The following PPP1R2 variants were observed in gnomAD, a reference collection of about 807,000 sequenced individuals.
PPP1R2 encodes protein phosphatase 1 regulatory inhibitor subunit 2.
PPP1R2 carries 16 observed loss-of-function variants against 29.9 expected under a neutral mutation model. The ratio of observed to expected loss-of-function variants is 0.53; its 90% CI spans 0.36 to 0.81. The LOEUF is 0.81. Among genes scored for constraint, PPP1R2 ranks in the 30% least tolerant of loss-of-function variants. The probability of loss-of-function intolerance (pLI) is 0.00; values close to 1 mark genes in which losing one functional copy is unlikely to be tolerated. For missense variants in PPP1R2, 197 were observed against 252.7 expected (o/e 0.78, Z 1.49); for synonymous variants, 76 against 91.5 (o/e 0.83, Z 0.96).
chr3:195,519,077 T>C lies in PPP1R2; in HGVS notation c.512A>G (p.Asp171Gly). The C allele has an allele frequency of 1.2e-5, 20 of 1,608,034 alleles. No homozygotes were observed. The highest frequency in any genetic ancestry group is 1.6e-5 in the Non-Finnish European group (19 of 1,174,676). The change falls in exon 5 of 6, where the codon GAT (aspartate) becomes GGT (glycine). Residue 171 changes from aspartate (D) to glycine (G), a missense_variant. Around this residue, in one of 3 missense-constraint regions of PPP1R2, gnomAD observed 135 missense variants for 163.0 expected, o/e 0.83. Transcript: ENST00000618156. Reference protein sequence around the residue: ...ISKDLHDDDEDEEMLETADGE... With the variant: ...ISKDLHDDDEGEEMLETADGE... ...ATCTGCAGTCTCTAACATTTCTTCA[T>C]CTTCATCATCATCATGTAGGTCTTT... is the stretch of plus-strand genomic sequence containing the variant.
chr3:195,516,960 A>ATTTC lies in PPP1R2; in HGVS notation c.572-19_572-18insGAAA. 1 of 1,606,872 alleles carries ATTTC rather than the reference A, an allele frequency of 6.2e-7. No individual in the cohort carries two copies. Among genetic ancestry groups the ATTTC allele is most frequent in the South Asian group, 1.1e-5 (1 of 90,880 alleles). ...AGTAGATCCTGCAAAGATAAAAGAA[A>ATTTC]AAGTCAACATAATTTGTTATATGTT... On this transcript the variant is annotated intron_variant, in intron 5 of 5. Coordinates refer to ENST00000618156, the MANE Select transcript of PPP1R2 (RefSeq NM_006241.8).
At chr3:195,542,042 A>G in intron 1 of PPP1R2, among the ~76,000 whole-genome samples, 1 of 152,188 alleles carries the variant, frequency 6.6e-6, no homozygotes, top group East Asian at 1.9e-4. Context: ...ATTTTCAGAA[A>G]GTAGAGTCCT....
At chr3:195,529,987 T>C in intron 1 of PPP1R2, 86 bp from the exon 2 acceptor site, 2 of 928,846 alleles carry the variant, frequency 2.2e-6, no homozygotes, top group Non-Finnish European at 1.6e-6. Flanking sequence ...AAATTTAACA[T>C]TTCAACTTCT....
intron 1 of PPP1R2, among the ~76,000 whole-genome samples, chr3:195,532,765 A>G (rs1719236447): frequency 6.6e-6 from 1 of 152,204 alleles, no homozygotes; most frequent in Non-Finnish European, 1.5e-5. Context: ...AGAAACTCAG[A>G]TAAACCACAT....
chr3:195,518,998 A>T lies in PPP1R2; in HGVS notation c.571+20T>A, dbSNP rs1167897825. ...ATAGACCATTACAAAAGTCTCAGTG[A>T]CATTTTCCAAACATCTAACCTTGAT... is the stretch of plus-strand genomic sequence containing the variant. On this transcript the variant is annotated intron_variant, in intron 5 of 5. Transcript: ENST00000618156. The T allele has an allele frequency of 6.2e-7, 1 of 1,609,712 alleles. No individual in the cohort carries two copies. Among genetic ancestry groups the T allele is most frequent in the African/African-American group, 1.3e-5 (1 of 74,916 alleles).
intron 1 of PPP1R2, 94 bp downstream of exon 1, chr3:195,542,810 C>T: frequency 7.1e-7 from 1 of 1,405,622 alleles, no homozygotes; most frequent in Non-Finnish European, 9.4e-7. Flanking sequence ...GGCACCCGAG[C>T]CGCATCCACG....
Position 195,543,176 on chromosome 3 carries a change from C to T in PPP1R2, c.-151G>A. 1 of 1,098,164 alleles carries T rather than the reference C, an allele frequency of 9.1e-7. No individual in the cohort carries two copies. Among genetic ancestry groups the T allele is most frequent in the Admixed American group, 3.3e-5 (1 of 30,154 alleles). The allele number at this position is 1,098,164 out of a possible 1,614,324, so 68.0% of individuals were successfully genotyped here. On this transcript the variant is annotated 5_prime_UTR_variant, in exon 1 of 6. Transcript: ENST00000618156. ...GCTGCCTCGGAAACGGCTACCGCAGCGGTTGTCACGACACAACGACCCCGA... is the reference window on the plus strand; with the variant it reads ...GCTGCCTCGGAAACGGCTACCGCAGTGGTTGTCACGACACAACGACCCCGA...
At chr3:195,525,692 C>T (rs778785794) in intron 2 of PPP1R2, among the ~76,000 whole-genome samples, 4 of 152,154 alleles carry the variant, frequency 2.6e-5, no homozygotes, top group Non-Finnish European at 4.4e-5. Context: ...TCTCACTCTA[C>T]CCTCTAATGA....
chr3:195,541,414 TAG>T (rs1400127217), intron 1 of PPP1R2, among the ~76,000 whole-genome samples: 1 of 151,984 alleles, frequency 6.6e-6, no homozygotes, highest in East Asian at 1.9e-4. Flanking sequence ...GAGCCTTCTG[TAG>T]TTACGTTACT....
intron 2 of PPP1R2, chr3:195,528,697 TA>T (rs1326789227): frequency 7.4e-6 from 1 of 135,864 alleles, no homozygotes; most frequent in Non-Finnish European, 1.6e-5. Context: ...AGGTAGGGCA[TA>T]ACTATTTTTT....
chr3:195,541,556 C>T (rs887370016), intron 1 of PPP1R2, among the ~76,000 whole-genome samples: 9 of 149,572 alleles, frequency 6.0e-5, no homozygotes, highest in African/African-American at 2.2e-4. Flanking sequence ...CTTGGCCTCT[C>T]CAAGTGCTGA....
intron 5 of PPP1R2, among the ~76,000 whole-genome samples, chr3:195,517,322 G>A (rs1241612989): frequency 6.6e-6 from 1 of 152,080 alleles, no homozygotes; most frequent in African/African-American, 2.4e-5. Flanking sequence ...TTGTGTGAAT[G>A]GGGGAGGAAA....
chr3:195,538,444 G>A (rs1036945610), intron 1 of PPP1R2, among the ~76,000 whole-genome samples: 5 of 152,196 alleles, frequency 3.3e-5, no homozygotes, highest in African/African-American at 9.7e-5. Context: ...TTCGAAGCCT[G>A]ATATCGTTAC....
chr3:195,516,352 A>G lies in PPP1R2; in HGVS notation c.*544T>C, dbSNP rs1718545765. 6.6e-6 allele frequency: 1 copy of G among 152,606 alleles called. No individual in the cohort carries two copies. The highest frequency in any genetic ancestry group is 6.5e-5 in the Admixed American group (1 of 15,270). 9.5% of individuals were successfully genotyped at this position (152,606 alleles called of 1,614,324 possible). A position where few individuals can be genotyped will look rare whatever the true frequency, so the allele number is the denominator to read the frequency against. ...CACAAAGAAACTCAACAGGAATTTT[A>G]AAAATAGTAGGTCAGAAAATGCAAC... On this transcript the variant is annotated 3_prime_UTR_variant, in exon 6 of 6. Transcript: ENST00000618156.
intron 4 of PPP1R2, 104 bp from the exon 5 acceptor site, chr3:195,519,289 T>C: frequency 2.2e-6 from 2 of 902,236 alleles, no homozygotes; most frequent in Non-Finnish European, 3.3e-6. Context: ...CATTTGTTTT[T>C]GTCATGCTTA....
At position 195,514,979 on chromosome 3, in the gene PPP1R2, C is replaced by T. The variant is rs1577557757; in HGVS notation, c.*1917G>A. ...AAGAATCAACTGTTTAAAGTCTTAT[C>T]CTTTTCTTCACTCTATGACAGCTAC... On this transcript the variant is annotated 3_prime_UTR_variant, in exon 6 of 6. Transcript: ENST00000618156. The T allele has an allele frequency of 5.0e-6, 1 of 199,266 alleles. No homozygotes were observed. The highest frequency in any genetic ancestry group is 2.4e-5 in the African/African-American group (1 of 41,444). The allele number at this position is 199,266 out of a possible 1,614,324, so 12.3% of individuals were successfully genotyped here.
intron 1 of PPP1R2, among the ~76,000 whole-genome samples, chr3:195,537,481 T>TGTGTG (rs1719435207): frequency 7.8e-6 from 1 of 128,516 alleles, no homozygotes; most frequent in Non-Finnish European, 1.6e-5. Context: ...GGATTAGCTA[T>TGTGTG]TGTGTGTGTG....
At chr3:195,526,278 T>G (rs1036994230) in intron 2 of PPP1R2, among the ~76,000 whole-genome samples, 5 of 151,988 alleles carry the variant, frequency 3.3e-5, no homozygotes, top group African/African-American at 1.2e-4. Flanking sequence ...TTTTATTTTT[T>G]GTAGAGACGG....
chr3:195,523,691 C>T lies in PPP1R2; in HGVS notation c.403+1G>A, dbSNP rs771868668. ...TGAAAGCAGTAAAGGAAATAAACTA[C>T]CTCGTTCTTCAGGTGAGAGGTCACT... On this transcript the variant is annotated splice_donor_variant, in intron 4 of 5. Coordinates refer to ENST00000618156, the MANE Select transcript of PPP1R2 (RefSeq NM_006241.8). LOFTEE classifies it high-confidence loss of function. 5.6e-6 allele frequency: 9 copies of T among 1,611,638 alleles called. No homozygotes were observed. The highest frequency in any genetic ancestry group is 7.6e-6 in the Non-Finnish European group (9 of 1,177,992).
Sources: allele counts gnomAD v4.1 joint callset (sites outside exome capture counted in the v4.1 genomes callset), GRCh38; gene constraint gnomAD v4.1.1; regional missense constraint gnomAD v4.1.1; transcripts MANE v1.5; gene names NCBI Gene and HGNC (gene_info 2026-07-23, HGNC 2026-07-21).